RORB: variants seen among roughly 807,000 people sequenced by gnomAD.
RORB encodes the protein nuclear receptor ROR-beta.
RORB carries 6 observed loss-of-function variants against 59.1 expected under a neutral mutation model. That is an observed-to-expected ratio of 0.10 (90% CI 0.06 to 0.20). The LOEUF (loss-of-function observed/expected upper bound fraction) is 0.20, where lower values mean the gene tolerates loss of function less well. Among genes scored for constraint, RORB ranks in the 10% least tolerant of loss-of-function variants. RORB has a pLI of 1.00. For synonymous variants in RORB, 215 were observed against 204.5 expected (o/e 1.05, Z -0.44); for missense variants, 320 against 560.5 (o/e 0.57, Z 4.33).
intron 1 of RORB, among the ~76,000 whole-genome samples, chr9:74,616,814 T>C (rs1231952731): frequency 2.6e-5 from 4 of 152,054 alleles, no homozygotes; most frequent in Non-Finnish European, 4.4e-5. Flanking sequence ...GTGGCCGATT[T>C]TAGGGGTTTA....
intron 1 of RORB, among the ~76,000 whole-genome samples, chr9:74,596,401 G>A (rs190175725): frequency 3.4e-4 from 52 of 152,278 alleles, no homozygotes; most frequent in African/African-American, 1.2e-3. Flanking sequence ...AGGGACCAGA[G>A]GATGAGAACA....
chr9:74,555,969 T>A (rs1822280217), intron 1 of RORB, among the ~76,000 whole-genome samples: 1 of 152,236 alleles, frequency 6.6e-6, no homozygotes, highest in Non-Finnish European at 1.5e-5. Flanking sequence ...GGTGATTTTT[T>A]AAAATTAATT....
intron 1 of RORB, among the ~76,000 whole-genome samples, chr9:74,551,487 G>A (rs549294477): frequency 3.9e-5 from 6 of 152,324 alleles, no homozygotes; most frequent in South Asian, 2.1e-4. Context: ...TGTCCCAGAC[G>A]AGACAGAGCG....
intron 1 of RORB, among the ~76,000 whole-genome samples, chr9:74,513,036 G>A (rs1274350312): frequency 6.6e-6 from 1 of 152,128 alleles, no homozygotes. Flanking sequence ...GAAGGAAGAT[G>A]TATTCAAATT....
chr9:74,615,182 T>C (rs1336235064), intron 1 of RORB, among the ~76,000 whole-genome samples: 1 of 152,254 alleles, frequency 6.6e-6, no homozygotes, highest in Non-Finnish European at 1.5e-5. Flanking sequence ...AAATTTATGT[T>C]GTACTTTTAT....
At chr9:74,589,333 C>T (rs1167275396) in intron 1 of RORB, among the ~76,000 whole-genome samples, 2 of 152,072 alleles carry the variant, frequency 1.3e-5, no homozygotes, top group Non-Finnish European at 2.9e-5. Context: ...CTTCCATTCC[C>T]GAAATATGAC....
intron 1 of RORB, among the ~76,000 whole-genome samples, chr9:74,533,656 G>A (rs988310620): frequency 8.5e-5 from 13 of 152,142 alleles, no homozygotes; most frequent in African/African-American, 3.1e-4. Context: ...TTGCAGGGCT[G>A]AGCATCAGTC....
At chr9:74,541,731 AAAGGAG>A (rs1338383135) in intron 1 of RORB, among the ~76,000 whole-genome samples, 6 of 152,194 alleles carry the variant, frequency 3.9e-5, no homozygotes, top group Admixed American at 3.9e-4. Flanking sequence ...CCTAATCCGG[AAAGGAG>A]AAGGAGGGCA....
intron 1 of RORB, among the ~76,000 whole-genome samples, chr9:74,538,088 A>G (rs2118122464): frequency 1.3e-5 from 2 of 152,186 alleles, no homozygotes; most frequent in South Asian, 4.1e-4. Context: ...AGATGCACAA[A>G]TATTTACTGT....
At position 74,582,968 on chromosome 9, in the gene RORB, G is replaced by A. The variant is rs542705406; in HGVS notation, c.8-47314G>A. ...TAAATGTTCAAGAGATGACCCAAGA[G>A]CTTCAACCTTCTCAGGTGTCTATAT... On this transcript the variant is annotated intron_variant, in intron 1 of 9. Coordinates refer to ENST00000376896, the MANE Select transcript of RORB (RefSeq NM_006914.4). 3.7e-4 allele frequency among the ~76,000 whole-genome samples: 56 copies of A among 152,218 alleles called. 1 individual carries two copies. Among genetic ancestry groups the A allele is most frequent in the African/African-American group, 1.3e-3 (54 of 41,522 alleles).
At chr9:74,501,277 A>T (rs950453809) in intron 1 of RORB, among the ~76,000 whole-genome samples, 2 of 152,134 alleles carry the variant, frequency 1.3e-5, no homozygotes, top group East Asian at 3.9e-4. Flanking sequence ...TTCCTCTATT[A>T]TTTGCAGGTA....
At position 74,605,689 on chromosome 9, in the gene RORB, G is replaced by A. The variant is rs117242912; in HGVS notation, c.8-24593G>A. On this transcript the variant is annotated intron_variant, in intron 1 of 9. Transcript: ENST00000376896. ...TTAGTACTTAAACATTAAAAAGTAC[G>A]TCTTTCTTGAAATGCTCTAAATATC... Among the ~76,000 whole-genome samples, 813 of 152,274 alleles carry A rather than the reference G, an allele frequency of 5.3e-3. 5 individuals carry two copies. The highest frequency in any genetic ancestry group is 0.021 in the South Asian group (101 of 4,816).
At chr9:74,565,001 G>T (rs1456345091) in intron 1 of RORB, among the ~76,000 whole-genome samples, 1 of 152,184 alleles carries the variant, frequency 6.6e-6, no homozygotes, top group Non-Finnish European at 1.5e-5. Flanking sequence ...TTTTTGAGCA[G>T]TGGCAACTAT....
intron 1 of RORB, among the ~76,000 whole-genome samples, chr9:74,526,354 C>A (rs1826156261): frequency 1.3e-5 from 2 of 151,838 alleles, no homozygotes; most frequent in African/African-American, 4.8e-5. Context: ...CGAGAAAACC[C>A]TAAAAGACTT....
At position 74,688,873 on chromosome 9, in the gene RORB, TATACAAATCCTGAACAAGGAAA is replaced by T. The variant is rs1824691971; in HGVS notation, c.*3261_*3282del. On this transcript the variant is annotated 3_prime_UTR_variant, in exon 10 of 10. Coordinates refer to ENST00000376896, the MANE Select transcript of RORB (RefSeq NM_006914.4). ...TATCTCCCTGCAAATCCAAACTTTC[TATACAAATCCTGAACAAGGAAA>T]ATACAGAAATCTAACTGGCATTAGA... The T allele has an allele frequency of 6.6e-6, 1 of 152,174 alleles. No individual in the cohort carries two copies. The highest frequency in any genetic ancestry group is 2.1e-4 in the South Asian group (1 of 4,834). The allele number at this position is 152,174 out of a possible 1,614,324, so 9.4% of individuals were successfully genotyped here.
Position 74,689,823 on chromosome 9 carries a change from CT to C in RORB, c.*4211del, listed in dbSNP as rs1461000071. On this transcript the variant is annotated 3_prime_UTR_variant, in exon 10 of 10. Transcript: ENST00000376896. ...CCAAGGACAACCTAAAACTTACCAG[CT>C]TTTTTCAAAAACAACAATCAGATGC... 1 of 152,140 alleles carries C rather than the reference CT, an allele frequency of 6.6e-6. No individual in the cohort carries two copies. Among genetic ancestry groups the C allele is most frequent in the African/African-American group, 2.4e-5 (1 of 41,414 alleles). The allele number at this position is 152,140 out of a possible 1,614,324, so 9.4% of individuals were successfully genotyped here.
intron 3 of RORB, among the ~76,000 whole-genome samples, chr9:74,638,807 C>T (rs937508184): frequency 6.6e-6 from 1 of 152,132 alleles, no homozygotes; most frequent in African/African-American, 2.4e-5. Context: ...AACACTGGCT[C>T]ATCAATGTTT....
intron 4 of RORB, among the ~76,000 whole-genome samples, chr9:74,655,534 T>A (rs911200880): frequency 3.3e-5 from 5 of 152,190 alleles, no homozygotes; most frequent in African/African-American, 1.2e-4. Flanking sequence ...TTTACCTCAG[T>A]CCCTTTTGTC....
chr9:74,551,450 G>A (rs560617777), intron 1 of RORB, among the ~76,000 whole-genome samples: 5 of 152,280 alleles, frequency 3.3e-5, no homozygotes, highest in East Asian at 1.9e-4. Context: ...TCAACAGCAC[G>A]GATACAGTGG....
Sources: allele counts gnomAD v4.1 joint callset (sites outside exome capture counted in the v4.1 genomes callset), GRCh38; gene constraint gnomAD v4.1.1; transcripts MANE v1.5; gene names NCBI Gene and HGNC (gene_info 2026-07-23, HGNC 2026-07-21).